The following MEGF11 variants were observed in gnomAD, a reference collection of about 807,000 sequenced individuals.
MEGF11 encodes multiple epidermal growth factor-like domains protein 11.
Under a neutral mutation model 146.6 loss-of-function variants are expected in MEGF11, and 126 were observed. That is an observed-to-expected ratio of 0.86 (90% CI 0.74 to 1.00). MEGF11 has a LOEUF of 1.00. MEGF11 is among the 50% of genes least tolerant of loss of function. The pLI, the probability that MEGF11 is intolerant of heterozygous loss-of-function variation, is 0.00. For synonymous variants in MEGF11, 532 were observed against 583.4 expected (o/e 0.91, Z 1.27); for missense variants, 1,509 against 1,521.2 (o/e 0.99, Z 0.13).
chr15:66,045,773 T>C (rs896976541), intron 5 of MEGF11, among the ~76,000 whole-genome samples: 1 of 152,088 alleles, frequency 6.6e-6, no homozygotes, highest in Non-Finnish European at 1.5e-5. Flanking sequence ...CACCCTTATC[T>C]CATTTGAGCC....
rs149085575 is a variant in MEGF11 at position 66,018,420 on chromosome 15, G to T, written c.395-35932C>A. Among the ~76,000 whole-genome samples the T allele has an allele frequency of 6.5e-3, 997 of 152,346 alleles. 7 individuals are homozygous for T. The highest frequency in any genetic ancestry group is 0.023 in the African/African-American group (945 of 41,588). On this transcript the variant is annotated intron_variant, in intron 5 of 25. Coordinates refer to ENST00000395614, the MANE Select transcript of MEGF11 (RefSeq NM_001385028.1). ...CCTCCCTGTGAAATAAGAGAGTGGG[G>T]CTACAGGCAGCACAGGGTGGCCTGG...
In MEGF11 at chr15:65,965,012, C is replaced by A; in HGVS notation, c.1008G>T (p.Glu336Asp). 6.4e-7 allele frequency: 1 copy of A among 1,573,022 alleles called. No homozygotes were observed. The highest frequency in any genetic ancestry group is 1.3e-5 in the African/African-American group (1 of 74,114). The change falls in exon 9 of 26, where the codon GAG becomes GAT. Residue 336 changes from glutamate to aspartate, a missense_variant. By Grantham distance (45) the Glu-to-Asp change is conservative (BLOSUM62 2). Transcript: ENST00000395614. ...CSPTTGACEC[E>D]PGYKGPRCQE... ...GGCAGCGTGGGCCCTTGTAGCCAGG[C>A]TCACACTCGCAGGCACCCGTGGTGG...
chr15:65,908,317 C>T (rs918773414), intron 23 of MEGF11, among the ~76,000 whole-genome samples: 1 of 152,186 alleles, frequency 6.6e-6, no homozygotes, highest in Non-Finnish European at 1.5e-5. Context: ...TACCAAGGCC[C>T]TGCCCCAGGG....
At chr15:66,178,842 A>G (rs555264531) in intron 1 of MEGF11, among the ~76,000 whole-genome samples, 1 of 152,200 alleles carries the variant, frequency 6.6e-6, no homozygotes, top group East Asian at 1.9e-4. Context: ...AGTGATTCGG[A>G]AAAAAGGTCA....
intron 7 of MEGF11, among the ~76,000 whole-genome samples, chr15:65,973,050 G>T (rs202226033): frequency 6.6e-6 from 1 of 151,820 alleles, no homozygotes; most frequent in East Asian, 1.9e-4. Flanking sequence ...CTGGGAGGTG[G>T]AGGTTGCAGT....
chr15:66,236,551 C>T (rs1000150973), intron 1 of MEGF11, among the ~76,000 whole-genome samples: 4 of 152,270 alleles, frequency 2.6e-5, no homozygotes. Context: ...CATTCAATAC[C>T]ACCAATGCCA....
intron 1 of MEGF11, among the ~76,000 whole-genome samples, chr15:66,164,470 T>G (rs760680604): frequency 6.6e-6 from 1 of 152,204 alleles, no homozygotes; most frequent in Non-Finnish European, 1.5e-5. Flanking sequence ...TCTAGCTTCA[T>G]CCCTGACTTG....
At chr15:66,040,310 T>TTC (rs1232865357) in intron 5 of MEGF11, 6 of 154,754 alleles carry the variant, frequency 3.9e-5, no homozygotes, top group Admixed American at 1.3e-4. Flanking sequence ...AGGTTACAGG[T>TTC]TCGATCTTTG....
intron 1 of MEGF11, among the ~76,000 whole-genome samples, chr15:66,233,684 G>A (rs983535155): frequency 6.6e-6 from 1 of 152,102 alleles, no homozygotes; most frequent in African/African-American, 2.4e-5. Context: ...TTCTGTCTAG[G>A]TGCCCACTTC....
chr15:65,976,600 G>A (rs962157243), intron 7 of MEGF11, among the ~76,000 whole-genome samples: 2 of 152,182 alleles, frequency 1.3e-5, no homozygotes, highest in Non-Finnish European at 2.9e-5. Context: ...CCTTGATCTT[G>A]GACTTTCAGC....
intron 21 of MEGF11, among the ~76,000 whole-genome samples, chr15:65,911,081 C>T (rs1363578032): frequency 2.6e-5 from 4 of 151,082 alleles, no homozygotes; most frequent in Non-Finnish European, 5.9e-5. Flanking sequence ...TGCCCAAGGG[C>T]CTGTTGACTA....
intron 8 of MEGF11, 98 bp downstream of exon 8, chr15:65,970,455 G>C (rs1350866843): frequency 2.6e-5 from 35 of 1,362,756 alleles, no homozygotes; most frequent in Admixed American, 4.4e-5. Context: ...AAAGGAACTG[G>C]AAGGCTGGCA....
At chr15:66,196,657 TG>T (rs2091017237) in intron 1 of MEGF11, among the ~76,000 whole-genome samples, 1 of 152,234 alleles carries the variant, frequency 6.6e-6, no homozygotes, top group African/African-American at 2.4e-5. Context: ...GTGACTTCTC[TG>T]AAGTGTGGCA....
intron 25 of MEGF11, 60 bp downstream of exon 25, chr15:65,898,668 T>C (rs1459010205): frequency 1.9e-6 from 3 of 1,601,514 alleles, no homozygotes; most frequent in East Asian, 2.2e-5. Flanking sequence ...GGGCTTGCTT[T>C]TACTTCAAAT....
chr15:66,041,717 C>G (rs2083986998), intron 5 of MEGF11, among the ~76,000 whole-genome samples: 1 of 152,220 alleles, frequency 6.6e-6, no homozygotes, highest in African/African-American at 2.4e-5. Context: ...TATTTACTAT[C>G]TGGTCCTTTA....
chr15:66,205,114 AG>A (rs1277706775), intron 1 of MEGF11, among the ~76,000 whole-genome samples: 2 of 152,210 alleles, frequency 1.3e-5, no homozygotes, highest in African/African-American at 4.8e-5. Context: ...GGACTAAGAA[AG>A]GGGCAGCTTA....
At chr15:66,162,618 A>C (rs896182711) in intron 1 of MEGF11, among the ~76,000 whole-genome samples, 1 of 152,214 alleles carries the variant, frequency 6.6e-6, no homozygotes, top group Non-Finnish European at 1.5e-5. Context: ...CAAAACAAAA[A>C]AAACAATAGT....
chr15:66,151,279 G>C lies in MEGF11; in HGVS notation c.-8-22868C>G, dbSNP rs114061581. 7.4e-3 allele frequency among the ~76,000 whole-genome samples: 1,128 copies of C among 152,294 alleles called. 10 individuals are homozygous for C. Among genetic ancestry groups the C allele is most frequent in the African/African-American group, 0.026 (1,082 of 41,558 alleles). Reference sequence around the variant, plus strand: ...ACCAGAAGGGAGGACAGAGCAAAGAGAGGACCAACACAACCTTCTTCCTCG... The same window carrying C: ...ACCAGAAGGGAGGACAGAGCAAAGACAGGACCAACACAACCTTCTTCCTCG... On this transcript the variant is annotated intron_variant, in intron 1 of 25. Coordinates refer to ENST00000395614, the MANE Select transcript of MEGF11 (RefSeq NM_001385028.1).
intron 15 of MEGF11, among the ~76,000 whole-genome samples, chr15:65,919,051 C>T (rs57481840): frequency 0.011 from 1,672 of 152,252 alleles, 36 homozygotes; most frequent in African/African-American, 0.038. Context: ...CATGACTTCC[C>T]CAGGGCCCAG....
Sources: gnomAD v4.1 joint callset for allele counts (sites outside exome capture counted in the v4.1 genomes callset) on GRCh38, gnomAD v4.1.1 for gene constraint, MANE v1.5 for transcripts, NCBI Gene and HGNC (gene_info 2026-07-23, HGNC 2026-07-21) for gene names.